Variants in ADAMTS20 observed in about 807,000 individuals in gnomAD.
The protein encoded by ADAMTS20 is ADAM metallopeptidase with thrombospondin type 1 motif 20, also known as A disintegrin and metalloproteinase with thrombospondin motifs 20.
A neutral mutation model predicts 260.1 loss-of-function variants in ADAMTS20; 225 were observed. The ratio of observed to expected loss-of-function variants is 0.87; its 90% confidence interval spans 0.78 to 0.97. The LOEUF is 0.97. Ranked by LOEUF, ADAMTS20 falls within the 50% of genes least tolerant of loss-of-function variation. ADAMTS20 has a pLI of 0.00. For missense variants in ADAMTS20, 2,400 were observed against 2,337.7 expected (o/e 1.03, Z -0.55); for synonymous variants, 802 against 769.5 (o/e 1.04, Z -0.70).
chr12:43,363,454 A>T (rs1050657920), intron 37 of ADAMTS20, among the ~76,000 whole-genome samples: 2 of 152,140 alleles, frequency 1.3e-5, no homozygotes, highest in African/African-American at 4.8e-5. Context: ...CAGACACTCC[A>T]TGCTGACAAG....
At chr12:43,428,840 G>A in intron 24 of ADAMTS20, 41 bp from the exon 25 acceptor site, 1 of 1,530,932 alleles carries the variant, frequency 6.5e-7, no homozygotes, top group South Asian at 1.3e-5. Context: ...TTATACAGTA[G>A]TACCTCACCC....
intron 28 of ADAMTS20, among the ~76,000 whole-genome samples, chr12:43,405,466 A>T (rs1940902701): frequency 6.8e-6 from 1 of 148,012 alleles, no homozygotes; most frequent in Non-Finnish European, 1.5e-5. Context: ...ATAATAAATT[A>T]AATATTTCAA....
In ADAMTS20 at chr12:43,383,697, T is replaced by C; in HGVS notation, c.4658A>G (p.His1553Arg). 6.2e-7 allele frequency: 1 copy of C among 1,613,968 alleles called. No homozygotes were observed. The change falls in exon 31 of 39, where the codon CAT becomes CGT. Residue 1553 changes from histidine to arginine, a missense_variant. Coordinates refer to ENST00000389420, the MANE Select transcript of ADAMTS20 (RefSeq NM_025003.5). ...CSTSCERKDSHQRMECTDNQI... is the reference protein window; with the variant it reads ...CSTSCERKDSRQRMECTDNQI... The stretch of plus-strand genomic sequence containing the variant: ...GTTATCTGTGCACTCCATTCGTTGA[T>C]GTGAATCTTTTCTCTCACATGATGT...
chr12:43,463,105 C>A, intron 10 of ADAMTS20, 106 bp from the exon 11 acceptor site: 1 of 742,150 alleles, frequency 1.3e-6, no homozygotes, highest in Non-Finnish European at 2.1e-6. Flanking sequence ...TACCTAGTTC[C>A]ATGGTATAAG....
At chr12:43,505,991 G>A (rs895739551) in intron 3 of ADAMTS20, among the ~76,000 whole-genome samples, 2 of 152,174 alleles carry the variant, frequency 1.3e-5, no homozygotes, top group Non-Finnish European at 2.9e-5. Context: ...ATGTGTGGTG[G>A]CATGCACCTG....
At chr12:43,480,612 A>G (rs986108433) in intron 7 of ADAMTS20, among the ~76,000 whole-genome samples, 1 of 152,216 alleles carries the variant, frequency 6.6e-6, no homozygotes, top group Non-Finnish European at 1.5e-5. Context: ...ATAATGGAAC[A>G]CAATTCAGCC....
chr12:43,415,162 A>G (rs1440758956), intron 28 of ADAMTS20, among the ~76,000 whole-genome samples: 1 of 152,134 alleles, frequency 6.6e-6, no homozygotes, highest in African/African-American at 2.4e-5. Context: ...AAATGAATCT[A>G]TTATGTTTGA....
At chr12:43,411,188 G>T (rs1316226950) in intron 28 of ADAMTS20, among the ~76,000 whole-genome samples, 1 of 152,180 alleles carries the variant, frequency 6.6e-6, no homozygotes, top group African/African-American at 2.4e-5. Context: ...TCCTTTGACA[G>T]AAAGGGATTC....
chr12:43,354,479 T>C (rs1022593037), intron 38 of ADAMTS20, among the ~76,000 whole-genome samples, 181 bp from the exon 39 acceptor site: 1 of 152,166 alleles, frequency 6.6e-6, no homozygotes, highest in Non-Finnish European at 1.5e-5. Context: ...TTGGTGGACA[T>C]GGGAAAGTTA....
intron 36 of ADAMTS20, among the ~76,000 whole-genome samples, chr12:43,374,115 TCA>T (rs1940169242): frequency 6.6e-6 from 1 of 152,092 alleles, no homozygotes; most frequent in Non-Finnish European, 1.5e-5. Flanking sequence ...ATGCCCAAAG[TCA>T]CAGAGCTGAT....
In ADAMTS20 at chr12:43,502,237, A is replaced by C. The variant is rs774564908; in HGVS notation, c.782T>G (p.Ile261Ser). Residue 261 changes from isoleucine (I) to serine (S), a missense_variant, in exon 4 of 39, where the codon ATT becomes AGT. Coordinates refer to ENST00000389420, the MANE Select transcript of ADAMTS20 (RefSeq NM_025003.5). ...AGCATCAGCTGTAACCATAATTTCA[A>C]TGTATCTTGGATATGATATAAGACG... is the stretch of plus-strand genomic sequence containing the variant. ...KKRLISYPRY[I>S]EIMVTADAKV... 1.2e-6 allele frequency: 2 copies of C among 1,611,660 alleles called. No individual in the cohort carries two copies. Among genetic ancestry groups the C allele is most frequent in the Non-Finnish European group, 1.7e-6 (2 of 1,179,198 alleles).
chr12:43,421,280 T>TACACAC (rs386362958), intron 28 of ADAMTS20, among the ~76,000 whole-genome samples: 1,972 of 27,008 alleles, frequency 0.073, 70 homozygotes, highest in East Asian at 0.53. Flanking sequence ...AGCTTTCATT[T>TACACAC]ACAAAAAAAA....
At chr12:43,505,691 G>C (rs1942831347) in intron 3 of ADAMTS20, among the ~76,000 whole-genome samples, 1 of 152,200 alleles carries the variant, frequency 6.6e-6, no homozygotes, top group African/African-American at 2.4e-5. Flanking sequence ...CTTATGCACT[G>C]TTGGTAGTGT....
In ADAMTS20 at chr12:43,551,344, A is replaced by G. The variant is rs982879822; in HGVS notation, c.92-74T>C. 12 of 1,532,050 alleles carry G rather than the reference A, an allele frequency of 7.8e-6. No individual in the cohort carries two copies. Among genetic ancestry groups the G allele is most frequent in the Non-Finnish European group, 1.1e-5 (12 of 1,140,180 alleles). The allele number at this position is 1,532,050 out of a possible 1,614,324, so 94.9% of individuals were successfully genotyped here. ...TCCAACTCTAAACTTCTTCCACCAAACGTCCCCGCTAAAGGTCCCAGGTCC... is the reference window on the plus strand; with the variant it reads ...TCCAACTCTAAACTTCTTCCACCAAGCGTCCCCGCTAAAGGTCCCAGGTCC... On this transcript the variant is annotated intron_variant, in intron 1 of 38. Coordinates refer to ENST00000389420, the MANE Select transcript of ADAMTS20 (RefSeq NM_025003.5). The surrounding 1 kb of genome is among the most constrained non-coding windows in gnomAD (Gnocchi z 4.6).
chr12:43,543,102 C>A (rs1442604330), intron 2 of ADAMTS20, among the ~76,000 whole-genome samples: 1 of 152,036 alleles, frequency 6.6e-6, no homozygotes, highest in Non-Finnish European at 1.5e-5. Context: ...GAGTTCAAGA[C>A]CAGTCTGGTC....
chr12:43,418,335 G>A (rs73083538), intron 28 of ADAMTS20, among the ~76,000 whole-genome samples: 17,635 of 152,092 alleles, frequency 0.12, 1,176 homozygotes, highest in Admixed American at 0.21. Flanking sequence ...TTTTGAGACG[G>A]AGCCTCATTA....
intron 3 of ADAMTS20, among the ~76,000 whole-genome samples, chr12:43,513,713 A>G (rs1259793187): frequency 1.1e-4 from 16 of 152,142 alleles, no homozygotes. Flanking sequence ...CATATACACC[A>G]TGGAATACTA....
chr12:43,442,259 C>CTTT (rs201877057), intron 16 of ADAMTS20, among the ~76,000 whole-genome samples: 1 of 139,380 alleles, frequency 7.2e-6, no homozygotes, highest in African/African-American at 2.6e-5. Flanking sequence ...GTGAACATTT[C>CTTT]TTTTTTTTTT....
At chr12:43,472,910 A>G (rs1162428858) in intron 7 of ADAMTS20, among the ~76,000 whole-genome samples, 2 of 143,096 alleles carry the variant, frequency 1.4e-5, no homozygotes, top group Non-Finnish European at 3.1e-5. Flanking sequence ...CATCGAGACT[A>G]GGAAGAAACT....
Sources: allele counts gnomAD v4.1 joint callset (sites outside exome capture counted in the v4.1 genomes callset), GRCh38; gene constraint gnomAD v4.1.1; non-coding constraint Gnocchi (gnomAD v3.1); transcripts MANE v1.5; gene names NCBI Gene and HGNC (gene_info 2026-07-23, HGNC 2026-07-21).